Variants in NLRC4 observed in about 807,000 individuals in gnomAD.
The protein encoded by NLRC4 is NLR family CARD domain containing 4, also known as NLR family CARD domain-containing protein 4.
In NLRC4, 63 loss-of-function variants were observed where a neutral mutation model predicts 79.9. That is an observed-to-expected ratio of 0.79 (90% CI 0.64 to 0.97). NLRC4 has a LOEUF of 0.97. NLRC4 is among the 50% of genes least tolerant of loss of function. NLRC4 has a pLI of 0.00. For synonymous variants in NLRC4, 461 were observed against 456.5 expected, an observed-to-expected ratio of 1.01 and a Z score of -0.12; for missense variants, 1,074 against 1,215.2, an observed-to-expected ratio of 0.88 and a Z score of 1.73.
Position 32,250,841 on chromosome 2 carries a change from C to T in NLRC4, c.1023G>A (p.Val341=), listed in dbSNP as rs754242124. The T allele has an allele frequency of 6.2e-7, 1 of 1,614,160 alleles. No homozygotes were observed. The highest frequency in any genetic ancestry group is 8.5e-7 in the Non-Finnish European group (1 of 1,180,032). ...LRNLMKTPLF[V]VITCAIQMGE... ...CCATCTGGATTGCACAAGTGATGAC[C>T]ACAAAGAGAGGGGTCTTCATGAGAT... Residue 341 remains valine, a synonymous_variant, in exon 4 of 9, where the codon GTG becomes GTA. Coordinates refer to ENST00000402280, the MANE Select transcript of NLRC4 (RefSeq NM_001199138.2). This position sits in a 1 kb window ranked among gnomAD's most constrained non-coding sequence, Gnocchi z 4.9.
At chr2:32,235,672 GC>G in intron 7 of NLRC4, 104 bp from the exon 8 acceptor site, 2 of 920,196 alleles carry the variant, frequency 2.2e-6, no homozygotes, top group Non-Finnish European at 3.2e-6. Context: ...TGGCTCTGCA[GC>G]CTACTCAATC....
At chr2:32,229,445 G>T (rs1686480120) in intron 8 of NLRC4, among the ~76,000 whole-genome samples, 1 of 152,132 alleles carries the variant, frequency 6.6e-6, no homozygotes, top group Non-Finnish European at 1.5e-5. Flanking sequence ...AGTGAGCCAA[G>T]ATCGCACCAC....
intron 1 of NLRC4, among the ~76,000 whole-genome samples, chr2:32,263,217 G>T (rs1452908713): frequency 1.3e-5 from 2 of 152,146 alleles, no homozygotes; most frequent in Non-Finnish European, 2.9e-5. Flanking sequence ...AATGTGTGTG[G>T]GCTTTGGCAT....
chr2:32,242,765 G>A (rs1466008548), intron 4 of NLRC4, among the ~76,000 whole-genome samples: 3 of 152,198 alleles, frequency 2.0e-5, no homozygotes, highest in Non-Finnish European at 4.4e-5. Context: ...AAAACTTTTA[G>A]GCCAGGCACA....
chr2:32,248,682 A>G (rs907540023), intron 4 of NLRC4, among the ~76,000 whole-genome samples: 3 of 152,072 alleles, frequency 2.0e-5, no homozygotes, highest in African/African-American at 7.2e-5. Context: ...ATGAGGATCA[A>G]CTGAGCCCAG....
intron 8 of NLRC4, among the ~76,000 whole-genome samples, chr2:32,233,016 G>A (rs1388065366): frequency 6.6e-6 from 1 of 151,280 alleles, no homozygotes; most frequent in African/African-American, 2.4e-5. Flanking sequence ...GGTAGTTGAG[G>A]AAGGAGGATC....
At chr2:32,259,054 C>G (rs1480923122) in intron 1 of NLRC4, among the ~76,000 whole-genome samples, 1 of 152,002 alleles carries the variant, frequency 6.6e-6, no homozygotes, top group East Asian at 1.9e-4. Flanking sequence ...GGCTTGGGAA[C>G]TCATGTGGAT....
chr2:32,261,810 C>T (rs144735524), intron 1 of NLRC4, among the ~76,000 whole-genome samples: 2,903 of 151,702 alleles, frequency 0.019, 38 homozygotes, highest in Middle Eastern at 0.048. Context: ...CAGCCAGGCG[C>T]GGTGGCTCAC....
chr2:32,248,763 C>A (rs1407479725), intron 4 of NLRC4, among the ~76,000 whole-genome samples: 1 of 151,004 alleles, frequency 6.6e-6, no homozygotes, highest in African/African-American at 2.4e-5. Context: ...AAGACCCAAC[C>A]TCGAAAAAAA....
chr2:32,224,953 T>C (rs925555469), intron 8 of NLRC4, among the ~76,000 whole-genome samples, 188 bp from the exon 9 acceptor site: 2 of 152,152 alleles, frequency 1.3e-5, no homozygotes, highest in Non-Finnish European at 1.5e-5. Flanking sequence ...GTGAATATGG[T>C]CTATTATATT....
At chr2:32,227,739 C>T (rs959093503) in intron 8 of NLRC4, among the ~76,000 whole-genome samples, 11 of 152,160 alleles carry the variant, frequency 7.2e-5, no homozygotes, top group African/African-American at 2.4e-4. Context: ...GTGCAGGAAC[C>T]AAGAACAAAC....
rs373658026 is a variant in NLRC4, at chr2:32,239,267, C to T, written c.2351-965G>A. ...CTGCACTCCAGCCTGGGCGACAGAG[C>T]GAGACTCCCATCTCAAAGAAAAGAA... On this transcript the variant is annotated intron_variant, in intron 5 of 8. Transcript: ENST00000402280. Among the ~76,000 whole-genome samples, 3 of 152,036 alleles carry T rather than the reference C, an allele frequency of 2.0e-5. No individual in the cohort carries two copies. The South Asian group carries it at 6.2e-4, about 32-fold the overall frequency.
At chr2:32,260,996 T>C (rs968923881) in intron 1 of NLRC4, among the ~76,000 whole-genome samples, 4 of 151,966 alleles carry the variant, frequency 2.6e-5, no homozygotes, top group East Asian at 3.9e-4. Context: ...ATCGAGACCA[T>C]CCTGGCTAAC....
In NLRC4 at chr2:32,250,830, C is replaced by T. The variant is rs1386618297; in HGVS notation, c.1034G>A (p.Cys345Tyr). ...MKTPLFVVIT[C>Y]AIQMGESEFH... The stretch of plus-strand genomic sequence containing the variant: ...CTCACTTTCACCCATCTGGATTGCA[C>T]AAGTGATGACCACAAAGAGAGGGGT... Residue 345 changes from cysteine (C) to tyrosine (Y), a missense_variant, in exon 4 of 9, where the codon TGT becomes TAT. Coordinates refer to ENST00000402280, the MANE Select transcript of NLRC4 (RefSeq NM_001199138.2). The surrounding 1 kb of genome is among the most constrained non-coding windows in gnomAD (Gnocchi z 4.9). 1.2e-6 allele frequency: 2 copies of T among 1,614,176 alleles called. No homozygotes were observed. Among genetic ancestry groups the T allele is most frequent in the African/African-American group, 1.3e-5 (1 of 75,048 alleles).
chr2:32,233,347 ATATTTTTTTT>A (rs1360995613), intron 8 of NLRC4, among the ~76,000 whole-genome samples: 4 of 45,626 alleles, frequency 8.8e-5, no homozygotes, highest in African/African-American at 4.0e-4. Context: ...ATATATATAT[ATATTTTTTTT>A]TTTTTTTTTT....
At chr2:32,260,213 CAAAAAAAA>C (rs1197388989) in intron 1 of NLRC4, among the ~76,000 whole-genome samples, 1 of 75,078 alleles carries the variant, frequency 1.3e-5, no homozygotes, top group South Asian at 5.3e-4. Flanking sequence ...TGGGCAACGA[CAAAAAAAA>C]AAAAAAAAAA....
In NLRC4 at chr2:32,251,172, G is replaced by T; in HGVS notation, c.692C>A (p.Thr231Lys). The T allele has an allele frequency of 6.2e-7, 1 of 1,614,238 alleles. No homozygotes were observed. The highest frequency in any genetic ancestry group is 1.7e-5 in the Admixed American group (1 of 60,034). ...CAGCTTCAGCAGCATGGCCATGAAT[G>T]TCTGCTTCCTGATTGTGCCAGGTAT... The part of the protein sequence containing the change: ...LDIPGTIRKQ[T>K]FMAMLLKLRQ... Residue 231 changes from threonine (T) to lysine (K), a missense_variant, in exon 4 of 9, where the codon ACA becomes AAA. Coordinates refer to ENST00000402280, the MANE Select transcript of NLRC4 (RefSeq NM_001199138.2).
At chr2:32,236,222 AT>A in intron 7 of NLRC4, 24 bp downstream of exon 7, 1 of 1,453,174 alleles carries the variant, frequency 6.9e-7, no homozygotes, top group Non-Finnish European at 9.6e-7. Flanking sequence ...CAAGTATCTA[AT>A]TTTGGCTGAA....
intron 6 of NLRC4, 77 bp downstream of exon 6, chr2:32,238,055 A>G: frequency 9.8e-7 from 1 of 1,015,502 alleles, no homozygotes; most frequent in Non-Finnish European, 1.4e-6. Flanking sequence ...CATTTGAGAC[A>G]TTTAGTGTGA....
Sources: allele counts gnomAD v4.1 joint callset (sites outside exome capture counted in the v4.1 genomes callset), GRCh38; gene constraint gnomAD v4.1.1; non-coding constraint Gnocchi (gnomAD v3.1); transcripts MANE v1.5; gene names NCBI Gene and HGNC (gene_info 2026-07-23, HGNC 2026-07-21).